Variants in HCN4 observed in about 807,000 individuals in gnomAD.
HCN4 encodes the protein potassium/sodium hyperpolarization-activated cyclic nucleotide-gated channel 4.
HCN4 carries 29 observed loss-of-function variants against 76.9 expected under a neutral mutation model. The ratio of observed to expected loss-of-function variants is 0.38; its 90% confidence interval spans 0.28 to 0.51. The LOEUF is 0.51. Among genes scored for constraint, HCN4 ranks in the 20% least tolerant of loss-of-function variants. HCN4 has a pLI of 0.90. For synonymous variants in HCN4, 772 were observed against 762.5 expected (o/e 1.01, Z -0.21); for missense variants, 1,416 against 1,715.2 (o/e 0.83, Z 3.08).
chr15:73,345,867 G>C (rs1454152139), intron 1 of HCN4, among the ~76,000 whole-genome samples: 1 of 152,162 alleles, frequency 6.6e-6, no homozygotes, highest in Non-Finnish European at 1.5e-5. Context: ...AAAATTAACA[G>C]AGCGGGTGCA....
At position 73,332,274 on chromosome 15, in the gene HCN4, C is replaced by A; in HGVS notation, c.1228G>T (p.Asp410Tyr). ...QWEEIFHMTY[D>Y]LASAVVRIVN... ...ATGCGCACCACGGCGCTGGCCAGGT[C>A]GTAGGTCATGTGGAAGATCTGCCAG... is the stretch of plus-strand genomic sequence containing the variant. The change falls in exon 3 of 8, where the codon GAC (aspartate) becomes TAC (tyrosine). Residue 410 changes from aspartate to tyrosine, a missense_variant. This residue lies in a region of HCN4 where 112 missense variants were observed against 259.9 expected (regional missense o/e 0.43). Coordinates refer to ENST00000261917, the MANE Select transcript of HCN4 (RefSeq NM_005477.3). The A allele has an allele frequency of 6.2e-7, 1 of 1,614,172 alleles. No individual in the cohort carries two copies. Among genetic ancestry groups the A allele is most frequent in the Non-Finnish European group, 8.5e-7 (1 of 1,180,026 alleles).
chr15:73,341,008 G>A (rs2042998189), intron 2 of HCN4: 1 of 151,770 alleles, frequency 6.6e-6, no homozygotes, highest in Non-Finnish European at 1.5e-5. Context: ...TGTTTCTCTT[G>A]ACAGCTAAGT....
Position 73,333,553 on chromosome 15 carries a change from A to T in HCN4, c.1210-1261T>A, listed in dbSNP as rs1567778011. On this transcript the variant is annotated intron_variant, in intron 2 of 7. Coordinates refer to ENST00000261917, the MANE Select transcript of HCN4 (RefSeq NM_005477.3). Reference sequence around the variant, plus strand: ...GTTCTGATACTAGTGACCGAAGATGAGTACTTTTTGTCCACAGCTCATCAC... The same window carrying T: ...GTTCTGATACTAGTGACCGAAGATGTGTACTTTTTGTCCACAGCTCATCAC... Among the ~76,000 whole-genome samples, 3 of 152,170 alleles carry T rather than the reference A, an allele frequency of 2.0e-5. No individual in the cohort carries two copies. The East Asian group carries it at 5.8e-4, about 29-fold the overall frequency.
chr15:73,337,709 G>A (rs1460753214), intron 2 of HCN4, among the ~76,000 whole-genome samples: 1 of 152,180 alleles, frequency 6.6e-6, no homozygotes, highest in African/African-American at 2.4e-5. Flanking sequence ...TGAAGGCAAT[G>A]GTGACAGTGA....
In HCN4 at chr15:73,368,274, GC is replaced by G; in HGVS notation, c.-5del. The G allele has an allele frequency of 2.0e-6, 3 of 1,485,586 alleles. No homozygotes were observed. The highest frequency in any genetic ancestry group is 2.7e-6 in the Non-Finnish European group (3 of 1,122,292). 92.0% of individuals were successfully genotyped at this position (1,485,586 alleles called of 1,614,324 possible). ...TGGACGGCGGCAGCTTGTCCATGGC[GC>G]CAGGGGCCGGGGTCGGACCGGGCCG... On this transcript the variant is annotated 5_prime_UTR_variant, in exon 1 of 8. Transcript: ENST00000261917. The surrounding 1 kb of genome is among the most constrained non-coding windows in gnomAD (Gnocchi z 6.9).
chr15:73,323,654 C>A lies in HCN4; in HGVS notation c.2439G>T (p.Gly813=). Residue 813 remains glycine, a synonymous_variant, in exon 8 of 8, where the codon GGG becomes GGT. Transcript: ENST00000261917. ...AAIFRPPPGS[G]LGNLGAGQTP... ...TCTGCCCGGCACCGAGGTTGCCCAGCCCAGATCCTGGGGGAGGGCGGAAGA... is the reference window on the plus strand; with the variant it reads ...TCTGCCCGGCACCGAGGTTGCCCAGACCAGATCCTGGGGGAGGGCGGAAGA... The A allele has an allele frequency of 1.9e-6, 3 of 1,595,030 alleles. No individual in the cohort carries two copies. The highest frequency in any genetic ancestry group is 1.1e-5 in the South Asian group (1 of 88,896).
chr15:73,367,745 A>C lies in HCN4; in HGVS notation c.526T>G (p.Ser176Ala). 6.3e-7 allele frequency: 1 copy of C among 1,575,020 alleles called. No individual in the cohort carries two copies. The highest frequency in any genetic ancestry group is 8.6e-7 in the Non-Finnish European group (1 of 1,168,378). Residue 176 changes from serine (S) to alanine (A), a missense_variant, in exon 1 of 8, where the codon TCC (serine) becomes GCC (alanine). Ser to Ala is a moderately conservative substitution (Grantham distance 99). This residue lies in a region of HCN4 where 355 missense variants were observed against 347.8 expected (regional missense o/e 1.02). Transcript: ENST00000261917. The surrounding 1 kb of genome is among the most constrained non-coding windows in gnomAD (Gnocchi z 7.5). ...ACCGAGGGCTGCTCGCAGGAGGCGG[A>C]GGCCGGCTGCGGTGGCTGCTGGGGC... is the stretch of plus-strand genomic sequence containing the variant. Reference protein sequence around the residue: ...PPPQQPPQPASASCEQPSVDT... With the variant: ...PPPQQPPQPAAASCEQPSVDT...
At position 73,322,390 on chromosome 15, in the gene HCN4, C is replaced by T; in HGVS notation, c.*91G>A. Reference sequence around the variant, plus strand: ...TGTGTGGTTTTTTAAATAATTATTACTGTTATTGGTATATCTCCTAATCAC... The same window carrying T: ...TGTGTGGTTTTTTAAATAATTATTATTGTTATTGGTATATCTCCTAATCAC... On this transcript the variant is annotated 3_prime_UTR_variant, in exon 8 of 8. Coordinates refer to ENST00000261917, the MANE Select transcript of HCN4 (RefSeq NM_005477.3). The T allele has an allele frequency of 9.8e-7, 1 of 1,020,604 alleles. No individual in the cohort carries two copies. 63.2% of individuals were successfully genotyped at this position (1,020,604 alleles called of 1,614,324 possible).
chr15:73,336,426 T>C (rs936626096), intron 2 of HCN4, among the ~76,000 whole-genome samples: 1 of 152,136 alleles, frequency 6.6e-6, no homozygotes, highest in African/African-American at 2.4e-5. Context: ...CCTGTGCTCC[T>C]CTTTCAAGCC....
intron 1 of HCN4, among the ~76,000 whole-genome samples, chr15:73,353,582 A>C (rs1595832559): frequency 6.6e-6 from 1 of 151,974 alleles, no homozygotes; most frequent in Non-Finnish European, 1.5e-5. Context: ...GTCTGAAAGC[A>C]CCTATTACTC....
rs74762607 is a variant in HCN4, at chr15:73,328,495, C to T, written c.1590+1078G>A. ...GATGAGGCTGACGTGTTTTAGATGC[C>T]GCTCCAACTGCTGTGTGAGGTGTGC... On this transcript the variant is annotated intron_variant, in intron 4 of 7. Coordinates refer to ENST00000261917, the MANE Select transcript of HCN4 (RefSeq NM_005477.3). The surrounding 1 kb of genome is among the most constrained non-coding windows in gnomAD (Gnocchi z 4.0). 0.021 allele frequency among the ~76,000 whole-genome samples: 3,245 copies of T among 151,968 alleles called. 158 individuals carry two copies. The highest frequency in any genetic ancestry group is 0.19 in the East Asian group (976 of 5,090).
At chr15:73,358,661 C>A (rs1413120124) in intron 1 of HCN4, among the ~76,000 whole-genome samples, 1 of 152,176 alleles carries the variant, frequency 6.6e-6, no homozygotes, top group Non-Finnish European at 1.5e-5. Flanking sequence ...GGGTGAAGGG[C>A]AGGGACTAAG....
chr15:73,324,035 G>A, intron 7 of HCN4, 54 bp downstream of exon 7: 2 of 1,607,176 alleles, frequency 1.2e-6, no homozygotes, highest in Non-Finnish European at 8.5e-7. Flanking sequence ...AAGGAGCCCT[G>A]CCCTCCTCCC....
intron 1 of HCN4, among the ~76,000 whole-genome samples, chr15:73,361,151 A>G (rs772972588): frequency 1.3e-5 from 2 of 152,148 alleles, no homozygotes; most frequent in Non-Finnish European, 2.9e-5. Flanking sequence ...TGGATGCTGT[A>G]TTTGGTGCAT....
intron 2 of HCN4, among the ~76,000 whole-genome samples, chr15:73,333,356 A>T (rs2042943923): frequency 6.6e-6 from 1 of 152,092 alleles, no homozygotes. Context: ...ATCCCTCCAT[A>T]CTATTCCCAG....
intron 2 of HCN4, chr15:73,335,399 C>A (rs972868954): frequency 6.6e-6 from 1 of 152,290 alleles, no homozygotes; most frequent in Non-Finnish European, 1.5e-5. Flanking sequence ...TTCCACAAGC[C>A]ACAGATTTGG....
At chr15:73,355,759 G>GCACA (rs151156342) in intron 1 of HCN4, among the ~76,000 whole-genome samples, 21 of 149,988 alleles carry the variant, frequency 1.4e-4, no homozygotes, top group Middle Eastern at 3.4e-3. Flanking sequence ...ATGTACATGC[G>GCACA]CACACACACA....
chr15:73,331,325 C>G (rs936363829), intron 3 of HCN4, among the ~76,000 whole-genome samples: 11 of 152,308 alleles, frequency 7.2e-5, no homozygotes, highest in Non-Finnish European at 1.3e-4. Flanking sequence ...ATCGGGACTC[C>G]ACCTCGGATC....
Position 73,367,446 on chromosome 15 carries a change from C to A in HCN4, c.785+40G>T. 6.2e-7 allele frequency: 1 copy of A among 1,611,444 alleles called. No individual in the cohort carries two copies. Among genetic ancestry groups the A allele is most frequent in the Non-Finnish European group, 8.5e-7 (1 of 1,179,678 alleles). On this transcript the variant is annotated intron_variant, in intron 1 of 7. Coordinates refer to ENST00000261917, the MANE Select transcript of HCN4 (RefSeq NM_005477.3). The surrounding 1 kb of genome is among the most constrained non-coding windows in gnomAD (Gnocchi z 7.5). ...GGTCAGGAGGAGGCATGCCTGCCAC[C>A]GCGCAGGGCACCCACAGGATCATCG...
Sources: gnomAD v4.1 joint callset for allele counts (sites outside exome capture counted in the v4.1 genomes callset) on GRCh38, gnomAD v4.1.1 for gene constraint, gnomAD v4.1.1 regional missense constraint, Gnocchi (gnomAD v3.1) non-coding constraint, MANE v1.5 for transcripts, NCBI Gene and HGNC (gene_info 2026-07-23, HGNC 2026-07-21) for gene names.